The following CORIN variants were observed in gnomAD, a reference collection of about 807,000 sequenced individuals.
CORIN encodes corin, serine peptidase.
A neutral mutation model predicts 125.3 loss-of-function variants in CORIN; 117 were observed. The observed-to-expected ratio is 0.93, with a 90% CI of 0.80 to 1.09. The LOEUF is 1.09. Ranked by LOEUF, CORIN falls within the 50% of genes least tolerant of loss-of-function variation. The pLI, the probability that CORIN is intolerant of heterozygous loss-of-function variation, is 0.00. For synonymous variants in CORIN, 450 were observed against 466.4 expected (o/e 0.96, Z 0.45); for missense variants, 1,253 against 1,306.7 (o/e 0.96, Z 0.63).
At chr4:47,790,884 G>A (rs2109925601) in intron 2 of CORIN, among the ~76,000 whole-genome samples, 1 of 151,856 alleles carries the variant, frequency 6.6e-6, no homozygotes, top group African/African-American at 2.4e-5. Context: ...AGATAGTCTG[G>A]CTCAAAAGTG....
In CORIN at chr4:47,744,412, G is replaced by A. The variant is rs148119573; in HGVS notation, c.789C>T (p.Asn263=). 3.0e-4 allele frequency: 491 copies of A among 1,613,268 alleles called. 3 individuals are homozygous for A. The African/African-American group carries it at 5.5e-3, about 18-fold the overall frequency. The part of the protein sequence containing the change: ...SRICFSPQQE[N]GKQLLCGRGE... ...AACACAGACACCTACATTGCTTTCC[G>A]TTTTCCTGCTGAGGTGAGAAGCAAA... Residue 263 remains asparagine, a synonymous_variant, in exon 5 of 22, where the codon AAC becomes AAT. Coordinates refer to ENST00000273857, the MANE Select transcript of CORIN (RefSeq NM_006587.4).
intron 5 of CORIN, among the ~76,000 whole-genome samples, chr4:47,742,300 T>C (rs1728443520): frequency 6.6e-6 from 1 of 151,942 alleles, no homozygotes; most frequent in East Asian, 1.9e-4. Flanking sequence ...CTTCCTGACA[T>C]AGAAGAAACA....
intron 10 of CORIN, among the ~76,000 whole-genome samples, chr4:47,671,745 C>T (rs188071314): frequency 0.013 from 1,910 of 152,110 alleles, 50 homozygotes; most frequent in African/African-American, 0.044. Flanking sequence ...CCACCATGCC[C>T]GGCTAATTTT....
intron 20 of CORIN, among the ~76,000 whole-genome samples, chr4:47,600,764 C>T (rs1721420349): frequency 6.6e-6 from 1 of 152,150 alleles, no homozygotes; most frequent in African/African-American, 2.4e-5. Flanking sequence ...GTAGAGAAAA[C>T]CTGTTTAATC....
At chr4:47,617,362 A>G (rs537025338) in intron 19 of CORIN, among the ~76,000 whole-genome samples, 1 of 152,368 alleles carries the variant, frequency 6.6e-6, no homozygotes, top group African/African-American at 2.4e-5. Context: ...ACTGAAAGAC[A>G]CAGGCAAGTA....
intron 2 of CORIN, among the ~76,000 whole-genome samples, chr4:47,801,381 G>A (rs148682363): frequency 0.024 from 3,673 of 152,302 alleles, 81 homozygotes; most frequent in Admixed American, 0.041. Context: ...CAAGAGGCCT[G>A]ATAGAAGTCT....
intron 13 of CORIN, among the ~76,000 whole-genome samples, chr4:47,649,896 A>G (rs936502528): frequency 6.6e-6 from 1 of 152,234 alleles, no homozygotes; most frequent in Admixed American, 6.5e-5. Flanking sequence ...TCTGCTAGCT[A>G]CAGAGCAAAG....
At chr4:47,775,393 C>G (rs537766983) in intron 3 of CORIN, among the ~76,000 whole-genome samples, 7 of 152,156 alleles carry the variant, frequency 4.6e-5, no homozygotes, top group East Asian at 1.9e-4. Flanking sequence ...GACGGGCCCC[C>G]GTGTGTGATG....
At chr4:47,726,210 T>A (rs1037165198) in intron 5 of CORIN, among the ~76,000 whole-genome samples, 1 of 152,014 alleles carries the variant, frequency 6.6e-6, no homozygotes. Context: ...CAGATACCAA[T>A]CTAGGTATTC....
chr4:47,661,558 C>A (rs1302935228), intron 12 of CORIN, 153 bp downstream of exon 12: 6 of 605,662 alleles, frequency 9.9e-6, no homozygotes, highest in Non-Finnish European at 1.4e-5. Flanking sequence ...TTCTTCAATG[C>A]AATCAAGTTC....
At position 47,643,758 on chromosome 4, in the gene CORIN, C is replaced by A. The variant is rs80235242; in HGVS notation, c.1958-502G>T. On this transcript the variant is annotated intron_variant, in intron 14 of 21. Coordinates refer to ENST00000273857, the MANE Select transcript of CORIN (RefSeq NM_006587.4). ...TCTCCTTGATTGCCTACTTAACAAC[C>A]ATTTCCTTTCTCCCTCCTTTCTTTA... Among the ~76,000 whole-genome samples the A allele has an allele frequency of 2.5e-3, 385 of 152,128 alleles. 6 individuals are homozygous for A. Among genetic ancestry groups the A allele is most frequent in the East Asian group, 5.2e-3 (27 of 5,182 alleles).
intron 16 of CORIN, among the ~76,000 whole-genome samples, chr4:47,631,594 T>C (rs1192578699): frequency 1.3e-5 from 2 of 152,124 alleles, no homozygotes. Context: ...TCATTATATA[T>C]TATAATGTAA....
intron 5 of CORIN, among the ~76,000 whole-genome samples, chr4:47,720,839 A>G (rs1727311266): frequency 6.6e-6 from 1 of 152,236 alleles, no homozygotes; most frequent in South Asian, 2.1e-4. Flanking sequence ...CACTATGTTT[A>G]TGACAGTGAA....
intron 2 of CORIN, among the ~76,000 whole-genome samples, chr4:47,805,715 A>AT (rs143281351): frequency 0.016 from 2,392 of 152,344 alleles, 69 homozygotes; most frequent in African/African-American, 0.053. Context: ...TAAATATCAT[A>AT]AAAAGCCTAA....
chr4:47,742,258 A>G (rs535250069), intron 5 of CORIN, among the ~76,000 whole-genome samples: 82 of 152,120 alleles, frequency 5.4e-4, no homozygotes, highest in African/African-American at 1.9e-3. Flanking sequence ...TTCACCAAAC[A>G]TCAGAATTAA....
At position 47,671,635 on chromosome 4, in the gene CORIN, A is replaced by G. The variant is rs139009855; in HGVS notation, c.1357+2758T>C. On this transcript the variant is annotated intron_variant, in intron 10 of 21. Coordinates refer to ENST00000273857, the MANE Select transcript of CORIN (RefSeq NM_006587.4). ...AATCTCGATCTCTCACCCAGGCTGG[A>G]GTGCAGTGGCACGGTCTCAGCTCAC... is the stretch of plus-strand genomic sequence containing the variant. 2.0e-3 allele frequency among the ~76,000 whole-genome samples: 299 copies of G among 152,224 alleles called. 2 individuals carry two copies. Among genetic ancestry groups the G allele is most frequent in the Middle Eastern group, 6.8e-3 (2 of 294 alleles).
intron 19 of CORIN, among the ~76,000 whole-genome samples, chr4:47,615,373 G>A (rs1722033891): frequency 6.6e-6 from 1 of 152,176 alleles, no homozygotes; most frequent in South Asian, 2.1e-4. Flanking sequence ...GGGAACAAGA[G>A]AGTAGTCAAA....
At chr4:47,769,997 G>C (rs28841313) in intron 3 of CORIN, among the ~76,000 whole-genome samples, 8,524 of 152,078 alleles carry the variant, frequency 0.056, 732 homozygotes, top group African/African-American at 0.19. Context: ...GGCAACAAAA[G>C]TATAAATACA....
intron 15 of CORIN, chr4:47,642,797 C>G (rs1577773755): frequency 1.4e-6 from 2 of 1,418,146 alleles, no homozygotes; most frequent in Admixed American, 5.6e-5. Context: ...CTATTCTATT[C>G]TAGCAGGTAG....
Sources: gnomAD v4.1 joint callset for allele counts (sites outside exome capture counted in the v4.1 genomes callset) on GRCh38, gnomAD v4.1.1 for gene constraint, MANE v1.5 for transcripts, NCBI Gene and HGNC (gene_info 2026-07-23, HGNC 2026-07-21) for gene names.